The following SMIM35 variants were observed in gnomAD, a reference collection of about 807,000 sequenced individuals.
The protein encoded by SMIM35 is TMPRSS4 antisense RNA 1 (non-protein coding).
intron 1 of SMIM35, among the ~76,000 whole-genome samples, chr11:118,051,428 G>A (rs1786185): frequency 0.67 from 101,177 of 152,112 alleles, 33,942 homozygotes; most frequent in Non-Finnish European, 0.71. Flanking sequence ...CTGGATGCTC[G>A]GTTTTCTTTA....
intron 1 of SMIM35, among the ~76,000 whole-genome samples, chr11:118,041,087 A>T (rs981773931): frequency 7.2e-5 from 11 of 152,060 alleles, no homozygotes; most frequent in African/African-American, 2.4e-4. Flanking sequence ...GTAAGCTAAG[A>T]TGTACATGGT....
At chr11:118,052,056 G>A (rs1010480132) in intron 1 of SMIM35, among the ~76,000 whole-genome samples, 30 of 152,086 alleles carry the variant, frequency 2.0e-4, no homozygotes, top group Non-Finnish European at 7.4e-5. Flanking sequence ...GGCAAAGAGC[G>A]GGAACTCTTC....
intron 4 of SMIM35, among the ~76,000 whole-genome samples, chr11:118,012,943 C>T (rs976577183): frequency 6.6e-6 from 1 of 152,214 alleles, no homozygotes; most frequent in African/African-American, 2.4e-5. Context: ...CTTGCCCACA[C>T]TGGACTGCAC....
intron 1 of SMIM35, among the ~76,000 whole-genome samples, chr11:118,048,946 C>CAAAAAAAAAAAAAA (rs57261529): frequency 0.027 from 1,653 of 60,386 alleles, 324 homozygotes; most frequent in Non-Finnish European, 0.037. Context: ...TGAAGAGCTG[C>CAAAAAAAAAAAAAA]AAAAAAAAAA....
At chr11:118,011,208 C>T (rs1337832494) in intron 4 of SMIM35, among the ~76,000 whole-genome samples, 2 of 152,194 alleles carry the variant, frequency 1.3e-5, no homozygotes, top group African/African-American at 2.4e-5. Context: ...CTCCCAGCCC[C>T]GGGCAGCTGT....
chr11:118,062,401 G>C (rs971548525), intron 1 of SMIM35, among the ~76,000 whole-genome samples: 4 of 152,208 alleles, frequency 2.6e-5, no homozygotes, highest in Non-Finnish European at 5.9e-5. Flanking sequence ...CTTCCCTTCA[G>C]TTCACAGGGG....
chr11:118,086,587 TA>T (rs1272833942), intron 1 of SMIM35, among the ~76,000 whole-genome samples, 163 bp downstream of exon 1: 31 of 151,988 alleles, frequency 2.0e-4, no homozygotes, highest in Admixed American at 7.2e-4. Flanking sequence ...AGAGACAGAG[TA>T]ACAGGTGCGA....
At chr11:118,014,219 A>G (rs962981421) in intron 3 of SMIM35, among the ~76,000 whole-genome samples, 4 of 152,208 alleles carry the variant, frequency 2.6e-5, no homozygotes, top group Admixed American at 2.6e-4. Flanking sequence ...GACAGAGACT[A>G]TGCCCAGTCA....
At chr11:118,044,800 CT>C (rs150327765) in intron 1 of SMIM35, among the ~76,000 whole-genome samples, 60,923 of 138,096 alleles carry the variant, frequency 0.44, 14,130 homozygotes, top group Non-Finnish European at 0.48. Flanking sequence ...GTTCATTCTA[CT>C]AAAAAAAAAA....
chr11:118,031,210 A>G (rs779756577), intron 1 of SMIM35, among the ~76,000 whole-genome samples: 3 of 152,226 alleles, frequency 2.0e-5, no homozygotes, highest in Non-Finnish European at 4.4e-5. Context: ...ATAAATAGAT[A>G]TAGAAACGGA....
At chr11:118,037,509 G>A (rs1591290446) in intron 1 of SMIM35, among the ~76,000 whole-genome samples, 2 of 152,264 alleles carry the variant, frequency 1.3e-5, no homozygotes, top group South Asian at 4.1e-4. Flanking sequence ...ATGCGATCTC[G>A]AATTTTTTTA....
chr11:118,011,742 G>A (rs145910300), intron 4 of SMIM35, among the ~76,000 whole-genome samples: 95 of 152,234 alleles, frequency 6.2e-4, no homozygotes, highest in African/African-American at 2.0e-3. Flanking sequence ...CAGGGGTTAG[G>A]AAAGAGGCCC....
At chr11:118,075,495 G>A (rs957907076) in intron 1 of SMIM35, among the ~76,000 whole-genome samples, 2 of 152,238 alleles carry the variant, frequency 1.3e-5, no homozygotes, top group African/African-American at 2.4e-5. Context: ...AAACACTTGT[G>A]TTCCATTCAG....
intron 3 of SMIM35, 132 bp from the exon 4 acceptor site, chr11:118,014,012 A>C: frequency 2.5e-6 from 1 of 392,376 alleles, no homozygotes. Flanking sequence ...ACTTACCATA[A>C]TCATCTCTCA....
At chr11:118,081,802 G>A (rs1945160219) in intron 1 of SMIM35, among the ~76,000 whole-genome samples, 1 of 152,158 alleles carries the variant, frequency 6.6e-6, no homozygotes, top group South Asian at 2.1e-4. Flanking sequence ...TCTACTATGT[G>A]CTAGGTACTG....
At chr11:118,057,611 C>T (rs139148984) in intron 1 of SMIM35, among the ~76,000 whole-genome samples, 2 of 152,268 alleles carry the variant, frequency 1.3e-5, no homozygotes, top group African/African-American at 4.8e-5. Flanking sequence ...CTGGCCTGCC[C>T]CAGGGCTGCA....
intron 4 of SMIM35, among the ~76,000 whole-genome samples, chr11:118,009,725 TAAA>T (rs35140092): frequency 4.4e-4 from 60 of 135,260 alleles, no homozygotes; most frequent in African/African-American, 1.2e-3. Flanking sequence ...GCAGACGCTT[TAAA>T]AAAAAAAAAA....
intron 1 of SMIM35, among the ~76,000 whole-genome samples, chr11:118,033,526 G>T (rs1470121156): frequency 6.6e-6 from 1 of 151,968 alleles, no homozygotes; most frequent in Non-Finnish European, 1.5e-5. Flanking sequence ...CTGTTTTGTT[G>T]TTGTTGTTGT....
chr11:118,042,544 T>C (rs1431775596), intron 1 of SMIM35, among the ~76,000 whole-genome samples: 1 of 152,202 alleles, frequency 6.6e-6, no homozygotes, highest in East Asian at 1.9e-4. Context: ...GAAGAATTAA[T>C]ATCAGTTATT....
Sources: allele counts gnomAD v4.1 joint callset (sites outside exome capture counted in the v4.1 genomes callset), GRCh38; gene constraint gnomAD v4.1.1; transcripts MANE v1.5; gene names NCBI Gene and HGNC (gene_info 2026-07-23, HGNC 2026-07-21).